Variants in SPIDR observed in about 807,000 individuals in gnomAD.
The protein encoded by SPIDR is scaffold protein involved in DNA repair, also known as DNA repair-scaffolding protein.
SPIDR carries 93 observed loss-of-function variants against 104.6 expected under a neutral mutation model. The ratio of observed to expected loss-of-function variants is 0.89; its 90% CI spans 0.75 to 1.06. SPIDR has a LOEUF of 1.06. SPIDR is among the 50% of genes least tolerant of loss of function. SPIDR has a pLI of 0.00. For synonymous variants in SPIDR, 431 were observed against 416.9 expected, an observed-to-expected ratio of 1.03 and a Z score of -0.41; for missense variants, 1,154 against 1,111.2, an observed-to-expected ratio of 1.04 and a Z score of -0.55.
At chr8:47,440,274 ATCTG>A in intron 7 of SPIDR, 45 bp from the exon 8 acceptor site, 1 of 1,519,510 alleles carries the variant, frequency 6.6e-7, no homozygotes, top group Non-Finnish European at 9.1e-7. Flanking sequence ...CGCTTGAACC[ATCTG>A]TCTTTTGATT....
At chr8:47,713,338 G>A (rs1233491597) in intron 15 of SPIDR, 151 bp from the exon 16 acceptor site, 5 of 1,089,122 alleles carry the variant, frequency 4.6e-6, no homozygotes, top group Non-Finnish European at 6.7e-6. Context: ...GGGTTCAGGA[G>A]TGTGCACACA....
intron 8 of SPIDR, among the ~76,000 whole-genome samples, chr8:47,512,723 A>C (rs987398383): frequency 2.6e-5 from 4 of 152,216 alleles, no homozygotes; most frequent in Admixed American, 2.6e-4. Flanking sequence ...CAGCTTCCAA[A>C]GAAGAAAAAA....
At chr8:47,509,092 A>G (rs1327070418) in intron 8 of SPIDR, among the ~76,000 whole-genome samples, 1 of 152,182 alleles carries the variant, frequency 6.6e-6, no homozygotes, top group Non-Finnish European at 1.5e-5. Context: ...AGATCAGATT[A>G]GAGTGTCTGA....
chr8:47,671,796 A>G (rs1005317779), intron 10 of SPIDR, among the ~76,000 whole-genome samples: 1 of 152,094 alleles, frequency 6.6e-6, no homozygotes, highest in Non-Finnish European at 1.5e-5. Context: ...CAGATGTACT[A>G]TCTTCTAAAT....
chr8:47,507,195 G>T (rs1174931905), intron 8 of SPIDR, among the ~76,000 whole-genome samples: 1 of 152,160 alleles, frequency 6.6e-6, no homozygotes, highest in African/African-American at 2.4e-5. Context: ...TGTCTGTGCT[G>T]GTCAATGTAA....
At chr8:47,399,737 CAAT>C (rs1172214671) in intron 6 of SPIDR, among the ~76,000 whole-genome samples, 2 of 152,070 alleles carry the variant, frequency 1.3e-5, no homozygotes, top group Admixed American at 1.3e-4. Context: ...CCGAGAGTAG[CAAT>C]AATAATGACC....
In SPIDR at chr8:47,411,715, A is replaced by G. The variant is rs373744039; in HGVS notation, c.877+3754A>G. Among the ~76,000 whole-genome samples the G allele has an allele frequency of 4.8e-3, 727 of 152,300 alleles. 3 individuals are homozygous for G. The highest frequency in any genetic ancestry group is 0.022 in the South Asian group (108 of 4,832). On this transcript the variant is annotated intron_variant, in intron 7 of 19. Coordinates refer to ENST00000297423, the MANE Select transcript of SPIDR (RefSeq NM_001080394.4). Reference sequence around the variant, plus strand: ...TGCCATTGCTTTTGGTGTTTTAGACATGAAGTCCTTGCCCATGCCCATGTC... The same window carrying G: ...TGCCATTGCTTTTGGTGTTTTAGACGTGAAGTCCTTGCCCATGCCCATGTC...
At chr8:47,568,744 G>A (rs758227718) in intron 8 of SPIDR, among the ~76,000 whole-genome samples, 3 of 152,234 alleles carry the variant, frequency 2.0e-5, no homozygotes, top group South Asian at 2.1e-4. Context: ...AAACATCCCC[G>A]CCAAAAGGAA....
At chr8:47,577,252 A>G (rs1303273051) in intron 8 of SPIDR, among the ~76,000 whole-genome samples, 1 of 152,264 alleles carries the variant, frequency 6.6e-6, no homozygotes, top group Non-Finnish European at 1.5e-5. Context: ...AAGTTCATGC[A>G]TTAAAATCCT....
intron 8 of SPIDR, among the ~76,000 whole-genome samples, chr8:47,458,937 T>A (rs143060714): frequency 0.011 from 1,636 of 152,264 alleles, 16 homozygotes; most frequent in South Asian, 0.024. Context: ...TTATGTGGTG[T>A]ATCACATTTA....
Position 47,440,305 on chromosome 8 carries a change from C to G in SPIDR, c.878-18C>G, listed in dbSNP as rs1554695557. ...CTTTTGATTTCATTTTTGCTTTGTT[C>G]TTTTCTTCAACTTCTAGGTAGAAAA... On this transcript the variant is annotated intron_variant, in intron 7 of 19. Coordinates refer to ENST00000297423, the MANE Select transcript of SPIDR (RefSeq NM_001080394.4). 6.2e-7 allele frequency: 1 copy of G among 1,607,240 alleles called. No individual in the cohort carries two copies. The highest frequency in any genetic ancestry group is 8.5e-7 in the Non-Finnish European group (1 of 1,174,436).
At chr8:47,435,841 T>A (rs2068217941) in intron 7 of SPIDR, among the ~76,000 whole-genome samples, 1 of 152,220 alleles carries the variant, frequency 6.6e-6, no homozygotes, top group Non-Finnish European at 1.5e-5. Flanking sequence ...CAATTTCCTA[T>A]TCTTAACTGG....
intron 2 of SPIDR, among the ~76,000 whole-genome samples, chr8:47,280,448 A>G (rs1266408284): frequency 6.7e-6 from 1 of 148,806 alleles, no homozygotes; most frequent in Non-Finnish European, 1.5e-5. Context: ...GCTGGAGTGC[A>G]GTGAGGCTAT....
rs1268030798 is a variant in SPIDR, at chr8:47,657,780, A to G, written c.1545-16021A>G. Among the ~76,000 whole-genome samples, 3 of 152,280 alleles carry G rather than the reference A, an allele frequency of 2.0e-5. No individual in the cohort carries two copies. The East Asian group carries it at 5.8e-4, about 29-fold the overall frequency. Reference sequence around the variant, plus strand: ...AGCAATGGCTCTTGCCTCCAATCCCAGCACTTTGGGAAGCCAAAGCAGGAA... The same window carrying G: ...AGCAATGGCTCTTGCCTCCAATCCCGGCACTTTGGGAAGCCAAAGCAGGAA... On this transcript the variant is annotated intron_variant, in intron 10 of 19. Coordinates refer to ENST00000297423, the MANE Select transcript of SPIDR (RefSeq NM_001080394.4).
chr8:47,302,662 C>T (rs1157702463), intron 5 of SPIDR, among the ~76,000 whole-genome samples: 1 of 152,238 alleles, frequency 6.6e-6, no homozygotes, highest in Non-Finnish European at 1.5e-5. Flanking sequence ...TTCCTTCTAA[C>T]AGTCAGGACC....
intron 8 of SPIDR, among the ~76,000 whole-genome samples, chr8:47,551,008 C>G (rs965276233): frequency 6.6e-6 from 1 of 152,166 alleles, no homozygotes; most frequent in East Asian, 1.9e-4. Context: ...AAGGCCTTTT[C>G]TGCATCTATT....
In SPIDR at chr8:47,350,151, C is replaced by T. The variant is rs561951884; in HGVS notation, c.526-46225C>T. Among the ~76,000 whole-genome samples, 4 of 152,272 alleles carry T rather than the reference C, an allele frequency of 2.6e-5. No homozygotes were observed. The East Asian group carries it at 7.7e-4, about 29-fold the overall frequency. ...CCAACAAATTTGCTGTTATTGTAATCCCCATTTTAATGAAATTTGTATGAA... is the reference window on the plus strand; with the variant it reads ...CCAACAAATTTGCTGTTATTGTAATTCCCATTTTAATGAAATTTGTATGAA... On this transcript the variant is annotated intron_variant, in intron 5 of 19. Coordinates refer to ENST00000297423, the MANE Select transcript of SPIDR (RefSeq NM_001080394.4).
At chr8:47,535,711 T>C (rs1290973385) in intron 8 of SPIDR, among the ~76,000 whole-genome samples, 1 of 151,996 alleles carries the variant, frequency 6.6e-6, no homozygotes, top group African/African-American at 2.4e-5. Flanking sequence ...GTCAGCAAAC[T>C]AGCAATAGAA....
At chr8:47,713,400 A>C in intron 15 of SPIDR, 89 bp from the exon 16 acceptor site, 2 of 1,562,530 alleles carry the variant, frequency 1.3e-6, no homozygotes, top group Non-Finnish European at 1.7e-6. Flanking sequence ...CACCTGCATG[A>C]CTCGAGGGGT....
Sources: allele counts gnomAD v4.1 joint callset (sites outside exome capture counted in the v4.1 genomes callset), GRCh38; gene constraint gnomAD v4.1.1; transcripts MANE v1.5; gene names NCBI Gene and HGNC (gene_info 2026-07-23, HGNC 2026-07-21).